The following RBFOX1 variants were observed in gnomAD, a reference collection of about 807,000 sequenced individuals.
RBFOX1 encodes RNA binding fox-1 homolog 1, also known as RNA binding protein fox-1 homolog 1.
In RBFOX1, 8 loss-of-function variants were observed where a neutral mutation model predicts 57.7. That is an observed-to-expected ratio of 0.14 (90% CI 0.08 to 0.25). The LOEUF (loss-of-function observed/expected upper bound fraction) is 0.25. RBFOX1 is among the 10% of genes least tolerant of loss of function. The pLI is 1.00. For missense variants in RBFOX1, 611 were observed against 548.5 expected (o/e 1.11, Z -1.14); for synonymous variants, 326 against 222.4 (o/e 1.47, Z -4.15).
chr16:6,056,191 C>A (rs2095612306), intron 1 of RBFOX1, among the ~76,000 whole-genome samples: 2 of 152,108 alleles, frequency 1.3e-5, no homozygotes, highest in African/African-American at 2.4e-5. Flanking sequence ...TCTCTAATCT[C>A]CTTACACTGT....
chr16:6,562,803 A>G (rs1037309640), intron 2 of RBFOX1, among the ~76,000 whole-genome samples: 1 of 149,780 alleles, frequency 6.7e-6, no homozygotes, highest in African/African-American at 2.5e-5. Flanking sequence ...GAGTCTGTGT[A>G]AGCAACTGCA....
At chr16:5,650,330 G>A (rs1239504649) in intron 3 of RBFOX1, among the ~76,000 whole-genome samples, 2 of 151,856 alleles carry the variant, frequency 1.3e-5, no homozygotes, top group African/African-American at 4.8e-5. Context: ...CCACGGCGGT[G>A]GTGGTGGTGG....
At chr16:7,465,171 C>A (rs2060279505) in intron 4 of RBFOX1, among the ~76,000 whole-genome samples, 1 of 152,176 alleles carries the variant, frequency 6.6e-6, no homozygotes, top group Admixed American at 6.5e-5. Context: ...TAGAATCCTC[C>A]TTTTGACATT....
At chr16:7,558,634 C>T (rs913462935) in intron 5 of RBFOX1, among the ~76,000 whole-genome samples, 10 of 152,146 alleles carry the variant, frequency 6.6e-5, no homozygotes, top group African/African-American at 2.2e-4. Flanking sequence ...CACAGAATTC[C>T]TGACAAGTTA....
At chr16:5,596,582 A>G (rs965357491) in intron 2 of RBFOX1, among the ~76,000 whole-genome samples, 1 of 152,198 alleles carries the variant, frequency 6.6e-6, no homozygotes, top group East Asian at 1.9e-4. Flanking sequence ...TCTCAAAGAA[A>G]GGACCAGGCT....
At chr16:5,356,809 A>G (rs1010839948) in intron 1 of RBFOX1, among the ~76,000 whole-genome samples, 2 of 152,186 alleles carry the variant, frequency 1.3e-5, no homozygotes, top group African/African-American at 4.8e-5. Flanking sequence ...TCTAGTTGAC[A>G]TCGTTGTTGT....
chr16:6,955,976 G>T (rs1379788972), intron 3 of RBFOX1, among the ~76,000 whole-genome samples: 1 of 152,030 alleles, frequency 6.6e-6, no homozygotes, highest in African/African-American at 2.4e-5. Flanking sequence ...GAAGTGCTGG[G>T]ATTACAGATG....
chr16:5,793,665 G>A (rs902434293), intron 3 of RBFOX1, among the ~76,000 whole-genome samples: 3 of 152,234 alleles, frequency 2.0e-5, no homozygotes, highest in African/African-American at 4.8e-5. Flanking sequence ...TGCAGGGGAT[G>A]CTGGAGGGCC....
chr16:5,945,394 C>T (rs898993181), intron 4 of RBFOX1, among the ~76,000 whole-genome samples: 1 of 152,194 alleles, frequency 6.6e-6, no homozygotes, highest in Non-Finnish European at 1.5e-5. Context: ...TGGTATTCTG[C>T]TGCTGCTGGA....
At chr16:7,560,820 T>C (rs1042889785) in intron 5 of RBFOX1, among the ~76,000 whole-genome samples, 1 of 152,244 alleles carries the variant, frequency 6.6e-6, no homozygotes, top group African/African-American at 2.4e-5. Flanking sequence ...GTTTGGACTT[T>C]TTTAGGGGAC....
chr16:7,334,358 T>G (rs1036502517), intron 4 of RBFOX1, among the ~76,000 whole-genome samples: 1 of 152,138 alleles, frequency 6.6e-6, no homozygotes. Flanking sequence ...CAGGCCGGTA[T>G]GATAAGGTTG....
rs751549203 is a variant in RBFOX1 at position 7,709,149 on chromosome 16, C to T, written c.1071+18C>T. The T allele has an allele frequency of 3.1e-6, 5 of 1,589,460 alleles. No homozygotes were observed. The highest frequency in any genetic ancestry group is 1.1e-5 in the South Asian group (1 of 90,272). ...GTGCCATGGTGAGTACAAGTTTCTCCTTGTCCTCACTTCCTCCTGCCTCCC... is the reference window on the plus strand; with the variant it reads ...GTGCCATGGTGAGTACAAGTTTCTCTTTGTCCTCACTTCCTCCTGCCTCCC... On this transcript the variant is annotated intron_variant, in intron 15 of 15. Transcript: ENST00000550418.
intron 4 of RBFOX1, among the ~76,000 whole-genome samples, chr16:7,444,094 T>C (rs1598544859): frequency 6.6e-6 from 1 of 152,248 alleles, no homozygotes; most frequent in East Asian, 1.9e-4. Flanking sequence ...TGTGCAAAAC[T>C]CTTGATGAAT....
At chr16:7,487,120 G>A (rs772955138) in intron 4 of RBFOX1, among the ~76,000 whole-genome samples, 2 of 152,038 alleles carry the variant, frequency 1.3e-5, no homozygotes, top group African/African-American at 2.4e-5. Context: ...AGCTGATCTC[G>A]AACACCTGAC....
rs2056868406 is a variant in RBFOX1 at position 5,850,491 on chromosome 16, A to G, written c.319-16812A>G. Among the ~76,000 whole-genome samples the G allele has an allele frequency of 1.3e-5, 2 of 152,242 alleles. 1 individual carries two copies. Among genetic ancestry groups the G allele is most frequent in the South Asian group, 4.1e-4 (2 of 4,834 alleles). On this transcript the variant is annotated intron_variant, in intron 3 of 19. Transcript: ENST00000641259. The stretch of plus-strand genomic sequence containing the variant: ...GTGCTAGGTTCTCTAACAAAGTAGC[A>G]CTAGTAGTCACCATCATTGCAGTAG...
chr16:6,804,290 G>A (rs1409452198), intron 3 of RBFOX1, among the ~76,000 whole-genome samples: 1 of 152,034 alleles, frequency 6.6e-6, no homozygotes, highest in African/African-American at 2.4e-5. Flanking sequence ...TTACAGGCAT[G>A]AGCCACCCAG....
intron 3 of RBFOX1, among the ~76,000 whole-genome samples, chr16:6,764,884 C>T (rs535694268): frequency 6.6e-6 from 1 of 152,044 alleles, no homozygotes; most frequent in Non-Finnish European, 1.5e-5. Context: ...TTGCAGTGAG[C>T]CGAGATTGTG....
intron 4 of RBFOX1, among the ~76,000 whole-genome samples, chr16:5,908,246 A>G (rs1354135401): frequency 9.0e-6 from 1 of 111,266 alleles, no homozygotes; most frequent in African/African-American, 3.0e-5. Context: ...ATACATATAC[A>G]TACACACACA....
intron 1 of RBFOX1, among the ~76,000 whole-genome samples, chr16:6,115,744 C>T (rs1026396901): frequency 3.3e-5 from 5 of 152,148 alleles, no homozygotes; most frequent in African/African-American, 1.2e-4. Flanking sequence ...CCAAGCTACA[C>T]AGTGGGCTAG....
Sources: gnomAD v4.1 joint callset for allele counts (sites outside exome capture counted in the v4.1 genomes callset) on GRCh38, gnomAD v4.1.1 for gene constraint, MANE v1.5 for transcripts, NCBI Gene and HGNC (gene_info 2026-07-23, HGNC 2026-07-21) for gene names.